Variants in SERHL2 observed in about 807,000 individuals in gnomAD.
The protein encoded by SERHL2 is serine hydrolase-like protein 2.
A neutral mutation model predicts 25.5 loss-of-function variants in SERHL2; 29 were observed. The observed-to-expected ratio is 1.14, with a 90% confidence interval of 0.85 to 1.55. SERHL2 has a LOEUF of 1.55. Ranked by LOEUF, SERHL2 falls within the 40% of genes most tolerant of loss-of-function variation. The pLI is 0.00. For missense variants in SERHL2, 240 were observed against 252.3 expected (o/e 0.95, Z 0.33); for synonymous variants, 95 against 103.5 (o/e 0.92, Z 0.50).
At chr22:42,566,229 C>A (rs1923358277) in intron 8 of SERHL2, 75 bp from the exon 9 acceptor site, 8 of 1,477,564 alleles carry the variant, frequency 5.4e-6, no homozygotes, top group South Asian at 1.1e-5. Flanking sequence ...CTGGAGGGTT[C>A]CAGCAAAGTC....
At chr22:42,567,334 C>G (rs1427138111) in intron 9 of SERHL2, among the ~76,000 whole-genome samples, 1 of 151,996 alleles carries the variant, frequency 6.6e-6, no homozygotes, top group African/African-American at 2.4e-5. Flanking sequence ...GATAGTGATT[C>G]ATTTTCTTTT....
At chr22:42,560,128 TA>T (rs1489446430) in intron 7 of SERHL2, 57 bp from the exon 8 acceptor site, 14 of 1,372,996 alleles carry the variant, frequency 1.0e-5, no homozygotes, top group Admixed American at 1.7e-5. Context: ...CTCTCCTTTT[TA>T]TCTGACCTCC....
Position 42,573,443 on chromosome 22 carries a change from C to CCT in SERHL2, c.826-493_826-492insCT, listed in dbSNP as rs750331899. 5 of 153,458 alleles carry CCT rather than the reference C, an allele frequency of 3.3e-5. 1 individual carries two copies. The highest frequency in any genetic ancestry group is 9.7e-5 in the African/African-American group (4 of 41,422). The allele number at this position is 153,458 out of a possible 1,614,324, so 9.5% of individuals were successfully genotyped here. On this transcript the variant is annotated intron_variant, in intron 11 of 11. Transcript: ENST00000327678. Reference sequence around the variant, plus strand: ...TATTTTTAGTAGAGACGGGGTTTCACTGTCTTAACCAGGATGCTCTTGATC... The same window carrying CCT: ...TATTTTTAGTAGAGACGGGGTTTCACCTTGTCTTAACCAGGATGCTCTTGATC...
chr22:42,569,737 G>T (rs1236444650), intron 9 of SERHL2: 1 of 151,890 alleles, frequency 6.6e-6, no homozygotes, highest in Non-Finnish European at 1.5e-5. Context: ...TTTCAGGGAA[G>T]GCACTTCAGG....
intron 1 of SERHL2, among the ~76,000 whole-genome samples, chr22:42,554,595 T>C (rs1220134735): frequency 1.3e-5 from 2 of 152,164 alleles, no homozygotes; most frequent in African/African-American, 4.8e-5. Flanking sequence ...CAAGACGTTT[T>C]AGTAACTTCT....
intron 8 of SERHL2, among the ~76,000 whole-genome samples, chr22:42,565,638 A>C (rs1406956375): frequency 6.6e-6 from 1 of 150,738 alleles, no homozygotes; most frequent in Admixed American, 6.6e-5. Context: ...CTAATTTTTT[A>C]GTTTTTTTGT....
chr22:42,566,967 G>A (rs533434950), intron 9 of SERHL2, among the ~76,000 whole-genome samples: 170 of 151,976 alleles, frequency 1.1e-3, no homozygotes, highest in African/African-American at 3.9e-3. Context: ...GCTTTCATTC[G>A]CTCAGCTGGT....
chr22:42,565,800 G>GC lies in SERHL2; in HGVS notation c.614-498dup, dbSNP rs150625714. On this transcript the variant is annotated intron_variant, in intron 8 of 11. Transcript: ENST00000327678. ...TGAACTTGAGAATCAGGTGGTTTAG[G>GC]CCCCCCACCAAGAAAATCTTGTTGG... Among the ~76,000 whole-genome samples, 350 of 151,694 alleles carry GC rather than the reference G, an allele frequency of 2.3e-3. 5 individuals carry two copies. The highest frequency in any genetic ancestry group is 0.017 in the Middle Eastern group (5 of 294).
At chr22:42,569,393 G>C (rs1485903211) in intron 9 of SERHL2, 2 of 151,278 alleles carry the variant, frequency 1.3e-5, no homozygotes, top group Non-Finnish European at 2.9e-5. Context: ...TGAGTAGCTG[G>C]GATTACAGGC....
chr22:42,574,059 T>A lies in SERHL2; in HGVS notation c.*4T>A. Reference sequence around the variant, plus strand: ...CATGCTCCCAGCCCAGCTGTAGCTCTGGGCCTGGAACTATGAAGACCTAGT... The same window carrying A: ...CATGCTCCCAGCCCAGCTGTAGCTCAGGGCCTGGAACTATGAAGACCTAGT... On this transcript the variant is annotated 3_prime_UTR_variant, in exon 12 of 12. Transcript: ENST00000327678. The A allele has an allele frequency of 6.2e-7, 1 of 1,612,432 alleles. No homozygotes were observed. Among genetic ancestry groups the A allele is most frequent in the South Asian group, 1.1e-5 (1 of 91,042 alleles).
intron 8 of SERHL2, among the ~76,000 whole-genome samples, chr22:42,561,610 G>T (rs929100199): frequency 1.3e-5 from 2 of 151,692 alleles, no homozygotes; most frequent in African/African-American, 4.8e-5. Context: ...TAATCAAGTG[G>T]GAATTCAGTC....
At chr22:42,568,048 A>G (rs1601850859) in intron 9 of SERHL2, among the ~76,000 whole-genome samples, 1 of 151,894 alleles carries the variant, frequency 6.6e-6, no homozygotes, top group African/African-American at 2.4e-5. Flanking sequence ...TTGTAGAGAC[A>G]GGGTCTCCCT....
intron 7 of SERHL2, among the ~76,000 whole-genome samples, chr22:42,559,310 T>C (rs935435076): frequency 2.7e-5 from 4 of 147,358 alleles, no homozygotes; most frequent in Non-Finnish European, 5.9e-5. Flanking sequence ...GCAGCCTTAG[T>C]TGGGAGGAGT....
chr22:42,572,151 C>G (rs1924316412), intron 10 of SERHL2, among the ~76,000 whole-genome samples: 1 of 152,088 alleles, frequency 6.6e-6, no homozygotes, highest in Non-Finnish European at 1.5e-5. Flanking sequence ...TGTTCAGATC[C>G]CAGCTCTGCT....
chr22:42,564,569 TTA>T (rs1462904506), intron 8 of SERHL2, among the ~76,000 whole-genome samples: 1 of 151,540 alleles, frequency 6.6e-6, no homozygotes. Context: ...GTAGCTGGGA[TTA>T]CAGGTGCCCA....
chr22:42,571,991 C>G (rs73888335), intron 10 of SERHL2: 1 of 152,248 alleles, frequency 6.6e-6, no homozygotes, highest in South Asian at 2.1e-4. Flanking sequence ...CTCAGAGGTT[C>G]GCGATTTCTT....
At chr22:42,570,348 C>A (rs2018875) in intron 9 of SERHL2, among the ~76,000 whole-genome samples, 20,657 of 151,860 alleles carry the variant, frequency 0.14, 2,738 homozygotes, top group East Asian at 0.72. Flanking sequence ...ACCCAGGAGG[C>A]GGGAGGTTGC....
In SERHL2 at chr22:42,566,424, G is replaced by C. The variant is rs533471452; in HGVS notation, c.648+86G>C. The C allele has an allele frequency of 2.4e-5, 32 of 1,324,746 alleles. No individual in the cohort carries two copies. In the African/African-American group the frequency reaches 4.2e-4, roughly 17 times the overall value. 82.1% of individuals were successfully genotyped at this position (1,324,746 alleles called of 1,614,324 possible). A position where few individuals can be genotyped will look rare whatever the true frequency, so the allele number is the denominator to read the frequency against. On this transcript the variant is annotated intron_variant, in intron 9 of 11. Coordinates refer to ENST00000327678, the MANE Select transcript of SERHL2 (RefSeq NM_014509.5). ...TTGAAAATTACAGGCCAGGCGTGGT[G>C]GCTCACGCCTGTAATCCCAGCTACT...
At chr22:42,561,968 C>T (rs1922736138) in intron 8 of SERHL2, among the ~76,000 whole-genome samples, 1 of 151,684 alleles carries the variant, frequency 6.6e-6, no homozygotes, top group African/African-American at 2.4e-5. Context: ...AGGCCCAGGT[C>T]ACAGGAAACA....
Sources: allele counts gnomAD v4.1 joint callset (sites outside exome capture counted in the v4.1 genomes callset), GRCh38; gene constraint gnomAD v4.1.1; transcripts MANE v1.5; gene names NCBI Gene and HGNC (gene_info 2026-07-23, HGNC 2026-07-21).